SMO: variants seen among roughly 807,000 people sequenced by gnomAD.
SMO encodes the protein protein smoothened.
A neutral mutation model predicts 81.6 loss-of-function variants in SMO; 40 were observed. That is an observed-to-expected ratio of 0.49 (90% CI 0.38 to 0.64). The LOEUF (loss-of-function observed/expected upper bound fraction) is 0.64, where lower values mean the gene tolerates loss of function less well. SMO is among the 30% of genes least tolerant of loss of function. SMO has a pLI of 0.00. For synonymous variants in SMO, 434 were observed against 432.1 expected (o/e 1.00, Z -0.05); for missense variants, 916 against 1,061.1 (o/e 0.86, Z 1.90).
Position 129,210,234 on chromosome 7 carries a change from G to C in SMO, c.1467-129G>C. On this transcript the variant is annotated intron_variant, in intron 8 of 11. Coordinates refer to ENST00000249373, the MANE Select transcript of SMO (RefSeq NM_005631.5). This position sits in a 1 kb window ranked among gnomAD's most constrained non-coding sequence, Gnocchi z 4.7. ...AGCAGGAGATTGCCTGAGCCCAGGA[G>C]TTGGAAGCTGCAGTGGGTTGTGATC... The C allele has an allele frequency of 2.8e-6, 2 of 712,594 alleles. No individual in the cohort carries two copies. Among genetic ancestry groups the C allele is most frequent in the Admixed American group, 5.2e-5 (2 of 38,176 alleles). The allele number at this position is 712,594 out of a possible 1,614,324, so 44.1% of individuals were successfully genotyped here.
In SMO at chr7:129,209,417, G is replaced by A. The variant is rs372212697; in HGVS notation, c.1466+20G>A. 8 of 1,541,444 alleles carry A rather than the reference G, an allele frequency of 5.2e-6. No homozygotes were observed. The highest frequency in any genetic ancestry group is 6.3e-6 in the Non-Finnish European group (7 of 1,114,230). On this transcript the variant is annotated intron_variant, in intron 8 of 11. Coordinates refer to ENST00000249373, the MANE Select transcript of SMO (RefSeq NM_005631.5). ...TGTGCTGTGAGTGAGGGGCATGGAG[G>A]CGGCAGTGCTGGGAGCTGGAGCCAA... is the stretch of plus-strand genomic sequence containing the variant.
At chr7:129,193,531 G>A (rs1198632125) in intron 1 of SMO, among the ~76,000 whole-genome samples, 1 of 151,382 alleles carries the variant, frequency 6.6e-6, no homozygotes, top group African/African-American at 2.4e-5. Context: ...GGCCGAGGTG[G>A]GCGGATCACG....
At chr7:129,196,822 C>T (rs1348849318) in intron 1 of SMO, among the ~76,000 whole-genome samples, 1 of 151,990 alleles carries the variant, frequency 6.6e-6, no homozygotes, top group Non-Finnish European at 1.5e-5. Context: ...TTGAGACCGT[C>T]CTGGCTAACA....
chr7:129,194,825 T>C (rs1793545710), intron 1 of SMO, among the ~76,000 whole-genome samples: 2 of 152,072 alleles, frequency 1.3e-5, no homozygotes, highest in African/African-American at 2.4e-5. Flanking sequence ...CTCTGTCACC[T>C]AGGCTAGAGT....
intron 1 of SMO, among the ~76,000 whole-genome samples, chr7:129,196,610 T>C (rs1448489798): frequency 6.6e-6 from 1 of 152,216 alleles, no homozygotes; most frequent in Non-Finnish European, 1.5e-5. Flanking sequence ...CTCAATATTC[T>C]GCACAGATTT....
At chr7:129,190,779 CAT>C (rs1793471314) in intron 1 of SMO, among the ~76,000 whole-genome samples, 1 of 152,154 alleles carries the variant, frequency 6.6e-6, no homozygotes, top group Admixed American at 6.6e-5. Context: ...AGACAGAAAT[CAT>C]GTGTAAACAA....
chr7:129,194,836 G>A (rs1793545891), intron 1 of SMO, among the ~76,000 whole-genome samples: 1 of 152,104 alleles, frequency 6.6e-6, no homozygotes, highest in South Asian at 2.1e-4. Context: ...AGGCTAGAGT[G>A]CAGTGGCGCG....
In SMO at chr7:129,213,017, CTT is replaced by C; in HGVS notation, c.*567_*568del. ...TGCTCCCACAGGGGCCATGTCCTCT[CTT>C]AATAGGTGGCACTACCCCAAACCCA... On this transcript the variant is annotated 3_prime_UTR_variant, in exon 12 of 12. Transcript: ENST00000249373. 3.9e-6 allele frequency: 1 copy of C among 259,390 alleles called. No homozygotes were observed. The highest frequency in any genetic ancestry group is 7.4e-6 in the Non-Finnish European group (1 of 135,356). 16.1% of individuals were successfully genotyped at this position (259,390 alleles called of 1,614,324 possible). A position where few individuals can be genotyped will look rare whatever the true frequency, so the allele number is the denominator to read the frequency against.
intron 1 of SMO, among the ~76,000 whole-genome samples, chr7:129,190,064 T>C (rs1190644037): frequency 6.6e-6 from 1 of 152,166 alleles, no homozygotes; most frequent in Non-Finnish European, 1.5e-5. Context: ...AACTGTGATC[T>C]TGTCTGGCTT....
intron 1 of SMO, among the ~76,000 whole-genome samples, chr7:129,193,758 C>CAAAAA (rs35934044): frequency 1.1e-3 from 8 of 7,458 alleles, no homozygotes; most frequent in East Asian, 0.03. Context: ...GACTCCATCT[C>CAAAAA]AAAAAAAAAA....
rs1269862863 is a variant in SMO at position 129,212,300 on chromosome 7, G to T, written c.2213G>T (p.Cys738Phe). The stretch of plus-strand genomic sequence containing the variant: ...TGGACCCTGGTCTCCAACCCATTCT[G>T]CCCAGAGCCCAGTCCCCCTCAGGAT... ...GAWTLVSNPFCPEPSPPQDPF... is the reference protein window; with the variant it reads ...GAWTLVSNPFFPEPSPPQDPF... The change falls in exon 12 of 12, where the codon TGC (cysteine) becomes TTC (phenylalanine). Residue 738 changes from cysteine (C) to phenylalanine (F), a missense_variant. Coordinates refer to ENST00000249373, the MANE Select transcript of SMO (RefSeq NM_005631.5). This position sits in a 1 kb window ranked among gnomAD's most constrained non-coding sequence, Gnocchi z 5.0. 6.2e-7 allele frequency: 1 copy of T among 1,614,040 alleles called. No individual in the cohort carries two copies. Among genetic ancestry groups the T allele is most frequent in the South Asian group, 1.1e-5 (1 of 91,076 alleles).
rs957669971 is a variant in SMO, at chr7:129,212,206, C to T, written c.2119C>T (p.Leu707=). The T allele has an allele frequency of 1.3e-6, 2 of 1,568,226 alleles. No individual in the cohort carries two copies. Among genetic ancestry groups the T allele is most frequent in the Middle Eastern group, 1.7e-4 (1 of 5,950 alleles). Reference sequence around the variant, plus strand: ...CAGTACCATTCCTCGACTGCCTCAGCTGCCCCGGCAGAAATGCCTGGTGGC... The same window carrying T: ...CAGTACCATTCCTCGACTGCCTCAGTTGCCCCGGCAGAAATGCCTGGTGGC... ...APSTIPRLPQ[L]PRQKCLVAAG... The change falls in exon 12 of 12, where the codon CTG becomes TTG. Residue 707 remains leucine, a synonymous_variant. Transcript: ENST00000249373. This position sits in a 1 kb window ranked among gnomAD's most constrained non-coding sequence, Gnocchi z 5.0.
rs71526090 is a variant in SMO at position 129,199,182 on chromosome 7, CT to C, written c.332-4185del. On this transcript the variant is annotated intron_variant, in intron 1 of 11. Coordinates refer to ENST00000249373, the MANE Select transcript of SMO (RefSeq NM_005631.5). ...TCTTTATAGTACGGTATTTTCTTTT[CT>C]TTTTTTTTTTTTTTTTGAGATAGAG... Among the ~76,000 whole-genome samples the C allele has an allele frequency of 2.0e-3, 251 of 126,602 alleles. 1 individual carries two copies. Among genetic ancestry groups the C allele is most frequent in the East Asian group, 8.3e-3 (37 of 4,446 alleles). 83.1% of individuals were successfully genotyped at this position (126,602 alleles called of 152,430 possible). A position where few individuals can be genotyped will look rare whatever the true frequency, so the allele number is the denominator to read the frequency against.
chr7:129,201,049 A>AT (rs953396126), intron 1 of SMO, among the ~76,000 whole-genome samples: 47 of 150,408 alleles, frequency 3.1e-4, no homozygotes, highest in African/African-American at 1.1e-3. Flanking sequence ...CACAACCTTT[A>AT]TTTTTTTTAT....
intron 1 of SMO, among the ~76,000 whole-genome samples, chr7:129,194,309 A>G (rs1793535165): frequency 6.6e-6 from 1 of 152,006 alleles, no homozygotes; most frequent in Non-Finnish European, 1.5e-5. Context: ...CATTGTGCGC[A>G]TGGTGCTTAT....
chr7:129,205,424 G>A lies in SMO; in HGVS notation c.747+12G>A, dbSNP rs2150648628. On this transcript the variant is annotated intron_variant, in intron 3 of 11. Transcript: ENST00000249373. ...CGCTCTTCACCCTGGTCAGCCGCGG[G>A]AGGGCAGGCCCGGGGGGCCCTCAGC... The A allele has an allele frequency of 1.2e-6, 2 of 1,604,858 alleles. No individual in the cohort carries two copies.
intron 1 of SMO, among the ~76,000 whole-genome samples, chr7:129,192,265 G>A (rs1793492735): frequency 6.6e-6 from 1 of 151,928 alleles, no homozygotes; most frequent in Non-Finnish European, 1.5e-5. Context: ...AAGGTGTAGA[G>A]GTAGGAGGGC....
In SMO at chr7:129,211,031, C is replaced by T. The variant is rs1427184649; in HGVS notation, c.1719C>T (p.Phe573=). 2.2e-5 allele frequency: 36 copies of T among 1,613,982 alleles called. No homozygotes were observed. The highest frequency in any genetic ancestry group is 3.0e-5 in the Non-Finnish European group (35 of 1,179,982). The part of the protein sequence containing the change: ...IKKSKMIAKA[F]SKRHELLQNP... ...AGAGCAAGATGATTGCCAAGGCCTTCTCTAAGCGGCACGAGCTCCTGCAGA... is the reference window on the plus strand; with the variant it reads ...AGAGCAAGATGATTGCCAAGGCCTTTTCTAAGCGGCACGAGCTCCTGCAGA... The change falls in exon 10 of 12, where the codon TTC becomes TTT. Residue 573 remains phenylalanine, a synonymous_variant. Coordinates refer to ENST00000249373, the MANE Select transcript of SMO (RefSeq NM_005631.5). The surrounding 1 kb of genome is among the most constrained non-coding windows in gnomAD (Gnocchi z 4.6).
rs944404833 is a variant in SMO, at chr7:129,205,838, G to C, written c.920+56G>C. 12 of 1,529,116 alleles carry C rather than the reference G, an allele frequency of 7.8e-6. No homozygotes were observed. The South Asian group carries it at 1.4e-4, about 17-fold the overall frequency. 94.7% of individuals were successfully genotyped at this position (1,529,116 alleles called of 1,614,324 possible). Reference sequence around the variant, plus strand: ...TACAGGGAGGAAGGCTGAAGTGTGCGTTTACCCCAAAGGGAGCAGGTGCGT... The same window carrying C: ...TACAGGGAGGAAGGCTGAAGTGTGCCTTTACCCCAAAGGGAGCAGGTGCGT... On this transcript the variant is annotated intron_variant, in intron 4 of 11. Transcript: ENST00000249373.
Sources: allele counts gnomAD v4.1 joint callset (sites outside exome capture counted in the v4.1 genomes callset), GRCh38; gene constraint gnomAD v4.1.1; non-coding constraint Gnocchi (gnomAD v3.1); transcripts MANE v1.5; gene names NCBI Gene and HGNC (gene_info 2026-07-23, HGNC 2026-07-21).